OTOGL: variants seen among roughly 807,000 people sequenced by gnomAD.
The protein encoded by OTOGL is otogelin-like protein.
A neutral mutation model predicts 318.5 loss-of-function variants in OTOGL; 285 were observed. The observed-to-expected ratio is 0.89, with a 90% CI of 0.81 to 0.99. The LOEUF is 0.99. OTOGL is among the 50% of genes least tolerant of loss of function. The pLI, the probability that OTOGL is intolerant of heterozygous loss-of-function variation, is 0.00. For synonymous variants in OTOGL, 987 were observed against 936.5 expected, an observed-to-expected ratio of 1.05 and a Z score of -0.99; for missense variants, 2,899 against 2,845.6, an observed-to-expected ratio of 1.02 and a Z score of -0.43.
At chr12:80,207,395 G>C (rs1193347935) in intron 1 of OTOGL, among the ~76,000 whole-genome samples, 3 of 152,106 alleles carry the variant, frequency 2.0e-5, no homozygotes, top group East Asian at 3.9e-4. Flanking sequence ...AGTAGAGACG[G>C]GGTTTTTCCA....
chr12:80,192,158 G>T (rs536365986), intron 1 of OTOGL, among the ~76,000 whole-genome samples: 1 of 152,274 alleles, frequency 6.6e-6, no homozygotes, highest in South Asian at 2.1e-4. Flanking sequence ...ATACCTACAG[G>T]ACATATGGCA....
At chr12:80,213,928 C>A (rs1244906) in intron 4 of OTOGL, among the ~76,000 whole-genome samples, 2 of 152,094 alleles carry the variant, frequency 1.3e-5, no homozygotes, top group Non-Finnish European at 2.9e-5. Context: ...TAGATAAGTG[C>A]GCAAATAAGG....
chr12:80,324,560 G>C (rs796461718), intron 35 of OTOGL, among the ~76,000 whole-genome samples: 12 of 152,326 alleles, frequency 7.9e-5, no homozygotes, highest in African/African-American at 2.9e-4. Context: ...AGGCAGCTGA[G>C]TGGCATGATC....
rs79190308 is a variant in OTOGL, at chr12:80,378,152, C to G, written c.*104C>G. Reference sequence around the variant, plus strand: ...GGCAGATTTATGCTGTTTAACAATACTGTATTTTTCAGACTTGGAATGTGG... The same window carrying G: ...GGCAGATTTATGCTGTTTAACAATAGTGTATTTTTCAGACTTGGAATGTGG... On this transcript the variant is annotated 3_prime_UTR_variant, in exon 59 of 59. Transcript: ENST00000547103. The G allele has an allele frequency of 2.4e-3, 1,992 of 846,762 alleles. 42 individuals are homozygous for G. The East Asian group carries it at 0.047, about 20-fold the overall frequency. 52.5% of individuals were successfully genotyped at this position (846,762 alleles called of 1,614,324 possible).
At chr12:80,135,408 G>A (rs1314028600) in intron 1 of OTOGL, among the ~76,000 whole-genome samples, 1 of 151,692 alleles carries the variant, frequency 6.6e-6, no homozygotes, top group African/African-American at 2.4e-5. Flanking sequence ...GAGTAGCTGG[G>A]ATTACAGGTG....
intron 49 of OTOGL, 110 bp downstream of exon 49, chr12:80,357,024 T>C: frequency 1.8e-6 from 1 of 558,966 alleles, no homozygotes; most frequent in South Asian, 4.3e-5. Context: ...TCTGATGTTA[T>C]AAGAATTCAA....
Position 80,252,096 on chromosome 12 carries a change from T to G in OTOGL, c.1180T>G (p.Phe394Val). Reference sequence around the variant, plus strand: ...TTTAGCTGATAAATGTGATGATAGCTTTGTCCATCGGGACTGTATCAGTTG... The same window carrying G: ...TTTAGCTGATAAATGTGATGATAGCGTTGTCCATCGGGACTGTATCAGTTG... ...PACTDKCDDS[F>V]VHRDCISCCP... The change falls in exon 13 of 59, where the codon TTT (phenylalanine) becomes GTT (valine). Residue 394 changes from phenylalanine to valine, a missense_variant. Coordinates refer to ENST00000547103, the MANE Select transcript of OTOGL (RefSeq NM_001378609.3). The G allele has an allele frequency of 6.4e-7, 1 of 1,550,436 alleles. No individual in the cohort carries two copies. The highest frequency in any genetic ancestry group is 8.7e-7 in the Non-Finnish European group (1 of 1,145,598).
intron 1 of OTOGL, among the ~76,000 whole-genome samples, chr12:80,172,226 C>G (rs114337905): frequency 0.014 from 2,169 of 152,198 alleles, 54 homozygotes; most frequent in African/African-American, 0.049. Context: ...GTTTATCAGT[C>G]TGACCCTCCT....
intron 1 of OTOGL, among the ~76,000 whole-genome samples, chr12:80,176,986 C>A (rs7980423): frequency 6.6e-6 from 1 of 151,814 alleles, no homozygotes. Flanking sequence ...TGCTTGTCAT[C>A]CATTTATCTT....
chr12:80,318,823 G>T (rs1225476443), intron 33 of OTOGL, 110 bp downstream of exon 33: 1 of 797,336 alleles, frequency 1.3e-6, no homozygotes, highest in Admixed American at 4.4e-5. Context: ...TTTTAAAAGT[G>T]CTCTAAAGCA....
At chr12:80,256,248 C>G in intron 16 of OTOGL, 89 bp from the exon 17 acceptor site, 1 of 1,387,234 alleles carries the variant, frequency 7.2e-7, no homozygotes, top group Non-Finnish European at 9.7e-7. Flanking sequence ...TTCTCCCCTT[C>G]TCCCTTTCTC....
chr12:80,305,154 G>C (rs929106952), intron 28 of OTOGL, among the ~76,000 whole-genome samples: 1 of 151,976 alleles, frequency 6.6e-6, no homozygotes, highest in African/African-American at 2.4e-5. Context: ...CCATATCCTT[G>C]TTTCTAACAA....
intron 1 of OTOGL, among the ~76,000 whole-genome samples, chr12:80,111,433 A>G (rs1454096471): frequency 5.9e-5 from 9 of 152,188 alleles, no homozygotes; most frequent in Non-Finnish European, 1.3e-4. Context: ...TATAAGGTGT[A>G]AGGAAGGGGT....
At chr12:80,229,174 T>G in intron 7 of OTOGL, 83 bp from the exon 8 acceptor site, 1 of 1,448,602 alleles carries the variant, frequency 6.9e-7, no homozygotes, top group Non-Finnish European at 9.4e-7. Context: ...TGAAACTATA[T>G]GATTGTAAAC....
intron 11 of OTOGL, among the ~76,000 whole-genome samples, chr12:80,251,382 G>T (rs985409045): frequency 1.3e-5 from 2 of 151,932 alleles, no homozygotes; most frequent in African/African-American, 4.8e-5. Context: ...CGGATTATGG[G>T]GAAAATGTTA....
chr12:80,240,326 G>A (rs1026419492), intron 11 of OTOGL, among the ~76,000 whole-genome samples: 6 of 152,132 alleles, frequency 3.9e-5, no homozygotes, highest in African/African-American at 9.6e-5. Flanking sequence ...TGGCTCTTAA[G>A]CATTTTTATG....
At chr12:80,196,911 C>A (rs2137275127) in intron 1 of OTOGL, among the ~76,000 whole-genome samples, 1 of 152,242 alleles carries the variant, frequency 6.6e-6, no homozygotes. Flanking sequence ...GGACATGCCT[C>A]ATTATGCCCT....
At chr12:80,377,579 G>A (rs551274188) in intron 58 of OTOGL, among the ~76,000 whole-genome samples, 1 of 152,236 alleles carries the variant, frequency 6.6e-6, no homozygotes, top group South Asian at 2.1e-4. Flanking sequence ...TAACTATATT[G>A]TGATTAACAT....
chr12:80,199,388 G>A (rs1002436678), intron 1 of OTOGL, among the ~76,000 whole-genome samples: 3 of 152,238 alleles, frequency 2.0e-5, no homozygotes, highest in Middle Eastern at 3.4e-3. Context: ...CCCTTTCAGG[G>A]CATCTTGTAT....
Sources: gnomAD v4.1 joint callset for allele counts (sites outside exome capture counted in the v4.1 genomes callset) on GRCh38, gnomAD v4.1.1 for gene constraint, MANE v1.5 for transcripts, NCBI Gene and HGNC (gene_info 2026-07-23, HGNC 2026-07-21) for gene names.